Variants in STX18 observed in about 807,000 individuals in gnomAD.
The protein encoded by STX18 is syntaxin 18.
In STX18, 40 loss-of-function variants were observed where a neutral mutation model predicts 50.1. The observed-to-expected ratio is 0.80, with a 90% CI of 0.62 to 1.04. The LOEUF (loss-of-function observed/expected upper bound fraction) is 1.04, where lower values mean the gene tolerates loss of function less well. Ranked by LOEUF, STX18 falls within the 50% of genes least tolerant of loss-of-function variation. The pLI, the probability that STX18 is intolerant of heterozygous loss-of-function variation, is 0.00. For missense variants in STX18, 410 were observed against 415.8 expected (o/e 0.99, Z 0.12); for synonymous variants, 158 against 151.8 (o/e 1.04, Z -0.30).
chr4:4,425,993 C>T (rs986679797), intron 7 of STX18: 1 of 152,250 alleles, frequency 6.6e-6, no homozygotes, highest in Non-Finnish European at 1.5e-5. Flanking sequence ...GCCCTGTCCT[C>T]GTGTGTCCAC....
At chr4:4,471,324 G>A (rs1013279460) in intron 2 of STX18, among the ~76,000 whole-genome samples, 1 of 152,182 alleles carries the variant, frequency 6.6e-6, no homozygotes, top group African/African-American at 2.4e-5. Context: ...CACAGGTTGA[G>A]GGCATACAAA....
intron 5 of STX18, among the ~76,000 whole-genome samples, chr4:4,448,605 G>A (rs1463657951): frequency 1.3e-5 from 2 of 152,158 alleles, no homozygotes; most frequent in Admixed American, 1.3e-4. Flanking sequence ...GCCTCCCAAA[G>A]TGCTGGGATT....
intron 8 of STX18, among the ~76,000 whole-genome samples, chr4:4,424,529 G>T (rs1368580167): frequency 6.6e-6 from 1 of 152,146 alleles, no homozygotes; most frequent in Non-Finnish European, 1.5e-5. Flanking sequence ...AAGGCGAAGA[G>T]CCCCTTGGAG....
At chr4:4,484,146 G>A (rs1056109337) in intron 1 of STX18, among the ~76,000 whole-genome samples, 11 of 152,222 alleles carry the variant, frequency 7.2e-5, no homozygotes, top group East Asian at 1.9e-4. Context: ...ACAGGTGTGA[G>A]CCACCGTGCC....
intron 1 of STX18, among the ~76,000 whole-genome samples, chr4:4,527,790 TTA>T (rs58884437): frequency 1.8e-3 from 257 of 145,100 alleles, no homozygotes; most frequent in African/African-American, 3.8e-3. Flanking sequence ...ATATATAATT[TTA>T]TATATATATA....
chr4:4,541,588 TC>T (rs1731598478), intron 1 of STX18, among the ~76,000 whole-genome samples: 1 of 151,636 alleles, frequency 6.6e-6, no homozygotes, highest in Non-Finnish European at 1.5e-5. Flanking sequence ...GCAGGAGAAA[TC>T]TGTTCCCCAA....
At chr4:4,469,543 G>A (rs964021670) in intron 2 of STX18, among the ~76,000 whole-genome samples, 7 of 152,104 alleles carry the variant, frequency 4.6e-5, no homozygotes, top group South Asian at 4.1e-4. Flanking sequence ...CCTGAGAAGC[G>A]GTGTGAGGGA....
intron 1 of STX18, among the ~76,000 whole-genome samples, chr4:4,517,945 T>C (rs1439564954): frequency 6.6e-6 from 1 of 152,104 alleles, no homozygotes; most frequent in Non-Finnish European, 1.5e-5. Flanking sequence ...TGGCTAATTT[T>C]TGTATTTTTA....
chr4:4,487,113 A>AACAC (rs368252347), intron 1 of STX18, among the ~76,000 whole-genome samples: 1 of 150,572 alleles, frequency 6.6e-6, no homozygotes, highest in Admixed American at 6.6e-5. Context: ...AACACTGTTC[A>AACAC]ACACACACAC....
intron 1 of STX18, among the ~76,000 whole-genome samples, chr4:4,510,883 C>T (rs1729970719): frequency 6.6e-6 from 1 of 152,170 alleles, no homozygotes. Context: ...AGCCATCATT[C>T]TCAGCAAACT....
At chr4:4,536,167 T>G (rs1431677997) in intron 1 of STX18, among the ~76,000 whole-genome samples, 1 of 152,262 alleles carries the variant, frequency 6.6e-6, no homozygotes, top group Non-Finnish European at 1.5e-5. Flanking sequence ...GTGCATCATG[T>G]AATATTCAAG....
chr4:4,427,803 C>T (rs1725328951), intron 7 of STX18, among the ~76,000 whole-genome samples: 1 of 152,222 alleles, frequency 6.6e-6, no homozygotes, highest in Non-Finnish European at 1.5e-5. Context: ...TGTCCGCCCT[C>T]CACTGCACTC....
At chr4:4,500,044 C>T (rs73201731) in intron 1 of STX18, among the ~76,000 whole-genome samples, 3,658 of 151,996 alleles carry the variant, frequency 0.024, 54 homozygotes, top group Non-Finnish European at 0.039. Flanking sequence ...TGTCTATGAT[C>T]CTATCTTCAA....
chr4:4,429,817 G>A (rs1252897330), intron 7 of STX18, among the ~76,000 whole-genome samples: 3 of 152,234 alleles, frequency 2.0e-5, no homozygotes, highest in East Asian at 3.8e-4. Flanking sequence ...GCTGAAAACT[G>A]GCGAGCCCTG....
In STX18 at chr4:4,420,589, G is replaced by A; in HGVS notation, c.912+275C>T. 2.1e-6 allele frequency: 1 copy of A among 484,640 alleles called. No homozygotes were observed. Among genetic ancestry groups the A allele is most frequent in the Non-Finnish European group, 3.7e-6 (1 of 272,640 alleles). The allele number at this position is 484,640 out of a possible 1,614,324, so 30.0% of individuals were successfully genotyped here. A position where few individuals can be genotyped will look rare whatever the true frequency, so the allele number is the denominator to read the frequency against. ...GCTACCCATGTACATCCCTGGACAT[G>A]AAGAGCTGGCCTGACCCTGCCAGGA... On this transcript the variant is annotated intron_variant, in intron 10 of 10. Transcript: ENST00000306200. The surrounding 1 kb of genome is among the most constrained non-coding windows in gnomAD (Gnocchi z 4.3).
intron 1 of STX18, chr4:4,507,925 G>A: frequency 2.0e-6 from 1 of 501,124 alleles, no homozygotes; most frequent in Non-Finnish European, 3.5e-6. Flanking sequence ...CGTATTTACT[G>A]CCTGCTTACC....
chr4:4,484,275 TC>T (rs1728605553), intron 1 of STX18, among the ~76,000 whole-genome samples: 1 of 152,194 alleles, frequency 6.6e-6, no homozygotes, highest in African/African-American at 2.4e-5. Flanking sequence ...CAGAATAGAA[TC>T]AATACTCTCT....
intron 1 of STX18, among the ~76,000 whole-genome samples, chr4:4,522,297 C>T (rs1482100870): frequency 2.6e-5 from 4 of 152,176 alleles, no homozygotes; most frequent in Non-Finnish European, 5.9e-5. Flanking sequence ...AATATACTCA[C>T]ACCCTGAATA....
intron 5 of STX18, among the ~76,000 whole-genome samples, chr4:4,446,864 A>G (rs138438026): frequency 2.0e-5 from 3 of 152,256 alleles, no homozygotes; most frequent in Non-Finnish European, 4.4e-5. Context: ...AGCCTTATCC[A>G]TCATAGCCAA....
Sources: gnomAD v4.1 joint callset for allele counts (sites outside exome capture counted in the v4.1 genomes callset) on GRCh38, gnomAD v4.1.1 for gene constraint, Gnocchi (gnomAD v3.1) non-coding constraint, MANE v1.5 for transcripts, NCBI Gene and HGNC (gene_info 2026-07-23, HGNC 2026-07-21) for gene names.